The following GNA11 variants were observed in gnomAD, a reference collection of about 807,000 sequenced individuals.
GNA11 encodes guanine nucleotide-binding protein subunit alpha-11.
Under a neutral mutation model 38.2 loss-of-function variants are expected in GNA11, and 8 were observed. That is an observed-to-expected ratio of 0.21 (90% CI 0.12 to 0.38). GNA11 has a LOEUF of 0.38. GNA11 is among the 10% of genes least tolerant of loss of function. The pLI, the probability that GNA11 is intolerant of heterozygous loss-of-function variation, is 1.00. For synonymous variants in GNA11, 211 were observed against 221.4 expected, an observed-to-expected ratio of 0.95 and a Z score of 0.42; for missense variants, 268 against 516.3, an observed-to-expected ratio of 0.52 and a Z score of 4.66.
chr19:3,107,898 T>C (rs998644105), intron 1 of GNA11, among the ~76,000 whole-genome samples: 2 of 152,108 alleles, frequency 1.3e-5, no homozygotes. Flanking sequence ...TGGGGGTCCC[T>C]CTGGGGAGAA....
At chr19:3,100,448 G>T (rs536235606) in intron 1 of GNA11, among the ~76,000 whole-genome samples, 2 of 152,364 alleles carry the variant, frequency 1.3e-5, no homozygotes, top group Admixed American at 1.3e-4. Flanking sequence ...ATTGAGCTGT[G>T]CAGGTCTCAG....
intron 1 of GNA11, among the ~76,000 whole-genome samples, chr19:3,100,505 G>T (rs753178943): frequency 3.4e-4 from 51 of 152,220 alleles, no homozygotes; most frequent in Non-Finnish European, 6.0e-4. Context: ...GGCAGATCAC[G>T]CAGGGAAGTG....
At chr19:3,103,761 T>A (rs2145309508) in intron 1 of GNA11, among the ~76,000 whole-genome samples, 1 of 151,668 alleles carries the variant, frequency 6.6e-6, no homozygotes, top group African/African-American at 2.4e-5. Context: ...TGGAGTGCAG[T>A]GGCACGATCT....
Position 3,120,913 on chromosome 19 carries a change from G to T in GNA11, c.890-76G>T. On this transcript the variant is annotated intron_variant, in intron 6 of 6. Coordinates refer to ENST00000078429, the MANE Select transcript of GNA11 (RefSeq NM_002067.5). The surrounding 1 kb of genome is among the most constrained non-coding windows in gnomAD (Gnocchi z 5.9). ...GTGGGCCTTACTCGCTCATCCCCTG[G>T]GAGTGACAAAGGGGCCCACGAGTCC... 1 of 1,111,672 alleles carries T rather than the reference G, an allele frequency of 9.0e-7. No individual in the cohort carries two copies. Among genetic ancestry groups the T allele is most frequent in the East Asian group, 2.4e-5 (1 of 41,592 alleles). The allele number at this position is 1,111,672 out of a possible 1,614,324, so 68.9% of individuals were successfully genotyped here.
Position 3,108,325 on chromosome 19 carries a change from C to T in GNA11, c.137-1824C>T, listed in dbSNP as rs186617129. ...CAGCAAGGAAGGTTCCAGAAAGTAC[C>T]GGAGGGAGAGTTGTGTTGGGGCTTG... On this transcript the variant is annotated intron_variant, in intron 1 of 6. Coordinates refer to ENST00000078429, the MANE Select transcript of GNA11 (RefSeq NM_002067.5). This position sits in a 1 kb window ranked among gnomAD's most constrained non-coding sequence, Gnocchi z 4.5. Among the ~76,000 whole-genome samples the T allele has an allele frequency of 3.6e-3, 550 of 152,246 alleles. 2 individuals are homozygous for T. Among genetic ancestry groups the T allele is most frequent in the South Asian group, 6.0e-3 (29 of 4,826 alleles).
At chr19:3,104,777 A>G (rs531990028) in intron 1 of GNA11, among the ~76,000 whole-genome samples, 36 of 152,296 alleles carry the variant, frequency 2.4e-4, no homozygotes, top group African/African-American at 8.4e-4. Context: ...GGGCACTGCC[A>G]CACCTCACTG....
chr19:3,112,342 A>G (rs1050525862), intron 2 of GNA11, among the ~76,000 whole-genome samples: 16 of 152,152 alleles, frequency 1.1e-4, no homozygotes, highest in Non-Finnish European at 1.8e-4. Flanking sequence ...CAGAGGGGAC[A>G]AGCAAGGGCT....
intron 1 of GNA11, among the ~76,000 whole-genome samples, chr19:3,107,105 G>C (rs533574745): frequency 6.6e-6 from 1 of 152,186 alleles, no homozygotes; most frequent in Non-Finnish European, 1.5e-5. Context: ...GCGTGGTGGC[G>C]CATGCCTGTA....
intron 1 of GNA11, among the ~76,000 whole-genome samples, chr19:3,104,131 G>A (rs1401261367): frequency 6.6e-6 from 1 of 152,242 alleles, no homozygotes; most frequent in Non-Finnish European, 1.5e-5. Flanking sequence ...TGAATCTTGA[G>A]CATCGGATGA....
intron 4 of GNA11, chr19:3,117,291 C>T (rs1454697817): frequency 2.0e-5 from 3 of 152,366 alleles, no homozygotes; most frequent in Non-Finnish European, 4.4e-5. Flanking sequence ...TGTCCTCTGT[C>T]AGAAATGTCC....
At chr19:3,115,212 TG>T in intron 4 of GNA11, 140 bp downstream of exon 4, 1 of 920,836 alleles carries the variant, frequency 1.1e-6, no homozygotes, top group Non-Finnish European at 1.7e-6. Context: ...GAGACCACCC[TG>T]GGCAACATAG....
chr19:3,098,780 T>A (rs1485786072), intron 1 of GNA11, among the ~76,000 whole-genome samples: 1 of 152,122 alleles, frequency 6.6e-6, no homozygotes, highest in African/African-American at 2.4e-5. Flanking sequence ...CCCAGAAGAC[T>A]CTGGGAGCAG....
At position 3,121,961 on chromosome 19, in the gene GNA11, C is replaced by T. The variant is rs1914091475; in HGVS notation, c.*782C>T. The T allele has an allele frequency of 4.3e-6, 1 of 233,092 alleles. No individual in the cohort carries two copies. 14.4% of individuals were successfully genotyped at this position (233,092 alleles called of 1,614,324 possible). On this transcript the variant is annotated 3_prime_UTR_variant, in exon 7 of 7. Coordinates refer to ENST00000078429, the MANE Select transcript of GNA11 (RefSeq NM_002067.5). ...GCAGAGGCTGGGAAGGGTCCCCGGG[C>T]TGGAGCCACGGGGGCTTCTCTGGGC...
intron 1 of GNA11, among the ~76,000 whole-genome samples, chr19:3,105,649 G>C (rs1292745059): frequency 6.6e-6 from 1 of 152,142 alleles, no homozygotes; most frequent in Non-Finnish European, 1.5e-5. Context: ...TAGGAATTTG[G>C]GGGGATCACA....
intron 1 of GNA11, among the ~76,000 whole-genome samples, chr19:3,099,681 C>T (rs1052219654): frequency 3.9e-5 from 6 of 152,200 alleles, no homozygotes; most frequent in South Asian, 2.1e-4. Context: ...GTCCAGTCTC[C>T]CACCCTCCAT....
chr19:3,097,700 G>A lies in GNA11; in HGVS notation c.136+2913G>A, dbSNP rs150733845. ...ACCTTACGGAGCCCTAGAGCTGGAC[G>A]GGGCTCCGGCTGCCGTGCCGCCTCT... On this transcript the variant is annotated intron_variant, in intron 1 of 6. Transcript: ENST00000078429. 1.9e-3 allele frequency among the ~76,000 whole-genome samples: 294 copies of A among 152,344 alleles called. 1 individual carries two copies. Among genetic ancestry groups the A allele is most frequent in the African/African-American group, 6.7e-3 (279 of 41,580 alleles).
At chr19:3,103,898 G>T (rs1479112741) in intron 1 of GNA11, among the ~76,000 whole-genome samples, 1 of 151,928 alleles carries the variant, frequency 6.6e-6, no homozygotes, top group Non-Finnish European at 1.5e-5. Context: ...TGTTAGCCAG[G>T]ATGGTCTCGA....
intron 4 of GNA11, chr19:3,117,764 G>A (rs1568284548): frequency 6.6e-6 from 1 of 152,480 alleles, no homozygotes; most frequent in East Asian, 1.9e-4. Context: ...AGCCGCCTCT[G>A]TCCACCACAC....
intron 1 of GNA11, among the ~76,000 whole-genome samples, chr19:3,100,015 T>C (rs1599296407): frequency 6.6e-6 from 1 of 152,354 alleles, no homozygotes; most frequent in East Asian, 1.9e-4. Flanking sequence ...GAATGCTGGC[T>C]GCTGCTTCCG....
Sources: allele counts gnomAD v4.1 joint callset (sites outside exome capture counted in the v4.1 genomes callset), GRCh38; gene constraint gnomAD v4.1.1; non-coding constraint Gnocchi (gnomAD v3.1); transcripts MANE v1.5; gene names NCBI Gene and HGNC (gene_info 2026-07-23, HGNC 2026-07-21).